Variants in DAB1 observed in about 807,000 individuals in gnomAD.
The protein encoded by DAB1 is DAB adaptor protein 1.
DAB1 carries 15 observed loss-of-function variants against 64.6 expected under a neutral mutation model. The observed-to-expected ratio is 0.23, with a 90% CI of 0.16 to 0.36. The LOEUF (loss-of-function observed/expected upper bound fraction) is 0.36. Among genes scored for constraint, DAB1 ranks in the 10% least tolerant of loss-of-function variants. DAB1 has a pLI of 1.00. For missense variants in DAB1, 596 were observed against 706.7 expected (o/e 0.84, Z 1.78); for synonymous variants, 235 against 251.9 (o/e 0.93, Z 0.64).
intron 7 of DAB1, among the ~76,000 whole-genome samples, chr1:57,626,839 C>G (rs1417361104): frequency 6.6e-6 from 1 of 152,054 alleles, no homozygotes; most frequent in Non-Finnish European, 1.5e-5. Context: ...GACCTAATCA[C>G]CCCACAAAGG....
intron 2 of DAB1, among the ~76,000 whole-genome samples, chr1:58,517,586 C>T (rs1240696237): frequency 2.0e-5 from 3 of 152,150 alleles, no homozygotes; most frequent in Non-Finnish European, 4.4e-5. Flanking sequence ...ATGAATGTTT[C>T]CTGTATCTCC....
chr1:58,068,614 A>T lies in DAB1; in HGVS notation n.387+81897T>A, dbSNP rs1649014061. On this transcript the variant is annotated intron_variant and non_coding_transcript_variant, in intron 5 of 20. Transcript: ENST00000485760. ...CCCCATCTCTACTAATAATACAAAAAAATTAGCTGGGTGTGGTGGTGGGGG... is the reference window on the plus strand; with the variant it reads ...CCCCATCTCTACTAATAATACAAAATAATTAGCTGGGTGTGGTGGTGGGGG... 3.3e-5 allele frequency among the ~76,000 whole-genome samples: 5 copies of T among 152,028 alleles called. No homozygotes were observed. In the South Asian group the frequency reaches 1.0e-3, roughly 32 times the overall value.
rs373612870 is a variant in DAB1, at chr1:57,989,216, G to A, written n.388-105054C>T. Reference sequence around the variant, plus strand: ...GAGGGTTATATGAGTAAAGTGCTGAGAAAGGAGCCTGATAGGTAATTACCT... The same window carrying A: ...GAGGGTTATATGAGTAAAGTGCTGAAAAAGGAGCCTGATAGGTAATTACCT... On this transcript the variant is annotated intron_variant and non_coding_transcript_variant, in intron 5 of 20. Transcript: ENST00000485760. Among the ~76,000 whole-genome samples, 48 of 152,238 alleles carry A rather than the reference G, an allele frequency of 3.2e-4. No homozygotes were observed. In the East Asian group the frequency reaches 4.8e-3, roughly 15 times the overall value.
chr1:58,474,091 A>G, intron 3 of DAB1: 1 of 453,980 alleles, frequency 2.2e-6, no homozygotes, highest in Non-Finnish European at 4.3e-6. Flanking sequence ...ATAAAGCATC[A>G]AGCATTCCTG....
intron 4 of DAB1, among the ~76,000 whole-genome samples, chr1:58,277,037 CTTTTTTT>C: frequency 1.3e-5 from 1 of 79,694 alleles, no homozygotes; most frequent in South Asian, 4.4e-4. Flanking sequence ...CTTTTTTTTT[CTTTTTTT>C]TTTTTTTTTT....
intron 6 of DAB1, among the ~76,000 whole-genome samples, chr1:57,703,791 C>A (rs1256897776): frequency 6.6e-6 from 1 of 152,098 alleles, no homozygotes; most frequent in African/African-American, 2.4e-5. Context: ...AACCTAAATG[C>A]CCATCAATAA....
chr1:58,016,887 C>A (rs1395713281), intron 5 of DAB1, among the ~76,000 whole-genome samples: 1 of 152,116 alleles, frequency 6.6e-6, no homozygotes, highest in African/African-American at 2.4e-5. Context: ...CTATTAAAAC[C>A]ATTATTAAAA....
intron 1 of DAB1, among the ~76,000 whole-genome samples, chr1:57,334,228 C>T (rs1367881987): frequency 6.6e-6 from 1 of 152,230 alleles, no homozygotes; most frequent in Non-Finnish European, 1.5e-5. Context: ...CTAAAGTGGA[C>T]TCCAAGCTCA....
chr1:57,341,315 CAGCTGGGAAGA>C (rs1468269904), intron 1 of DAB1, among the ~76,000 whole-genome samples: 2 of 152,180 alleles, frequency 1.3e-5, no homozygotes, highest in Admixed American at 1.3e-4. Flanking sequence ...CTCTATCACA[CAGCTGGGAAGA>C]AGCTGGGAGA....
intron 4 of DAB1, among the ~76,000 whole-genome samples, chr1:58,314,527 T>C (rs1398180019): frequency 1.3e-5 from 2 of 152,188 alleles, no homozygotes; most frequent in East Asian, 1.9e-4. Flanking sequence ...GTACTTACGA[T>C]TGAGTCGTAT....
intron 3 of DAB1, among the ~76,000 whole-genome samples, chr1:57,143,587 G>A (rs1337562263): frequency 1.3e-5 from 2 of 152,014 alleles, no homozygotes; most frequent in Non-Finnish European, 2.9e-5. Flanking sequence ...ATAAAAAGAA[G>A]ACATATAAAT....
chr1:57,771,310 T>C (rs1239598982), intron 6 of DAB1, among the ~76,000 whole-genome samples: 1 of 152,088 alleles, frequency 6.6e-6, no homozygotes, highest in Non-Finnish European at 1.5e-5. Context: ...CAGAAAATGG[T>C]GTAATTTATC....
chr1:57,637,801 A>AT (rs2101637000), intron 7 of DAB1, among the ~76,000 whole-genome samples: 1 of 152,356 alleles, frequency 6.6e-6, no homozygotes, highest in Non-Finnish European at 1.5e-5. Context: ...AAAGGGTAGA[A>AT]TATCTCTGTG....
At chr1:58,191,646 A>G (rs1657393882) in intron 4 of DAB1, among the ~76,000 whole-genome samples, 1 of 152,182 alleles carries the variant, frequency 6.6e-6, no homozygotes, top group African/African-American at 2.4e-5. Context: ...ACTCCATTTA[A>G]AAGTTTCCCC....
intron 7 of DAB1, among the ~76,000 whole-genome samples, chr1:57,437,256 T>A (rs1455549417): frequency 6.6e-6 from 1 of 152,072 alleles, no homozygotes; most frequent in Non-Finnish European, 1.5e-5. Flanking sequence ...CAAATAATTC[T>A]CTTCCCTTCT....
rs11808300 is a variant in DAB1, at chr1:57,439,585, C to T, written n.626-148419G>A. ...CTGGGACTACAGGCGCCCGCCACCG[C>T]GCCCGGCTAATTTTTTGTATTTTTA... On this transcript the variant is annotated intron_variant and non_coding_transcript_variant, in intron 7 of 20. Transcript: ENST00000485760. Among the ~76,000 whole-genome samples, 5 of 146,236 alleles carry T rather than the reference C, an allele frequency of 3.4e-5. No homozygotes were observed. The South Asian group carries it at 6.8e-4, about 20-fold the overall frequency.
chr1:57,406,674 C>T (rs908820708), intron 1 of DAB1, among the ~76,000 whole-genome samples: 9 of 152,194 alleles, frequency 5.9e-5, no homozygotes, highest in Non-Finnish European at 1.2e-4. Flanking sequence ...TCTCAGAGAC[C>T]CAGTGCCCAC....
intron 6 of DAB1, among the ~76,000 whole-genome samples, chr1:57,741,445 A>G (rs1293720937): frequency 6.6e-6 from 1 of 152,198 alleles, no homozygotes; most frequent in Non-Finnish European, 1.5e-5. Context: ...AAAAGCAACC[A>G]TTAGCTTAAA....
At chr1:57,766,457 T>A (rs1649315884) in intron 6 of DAB1, among the ~76,000 whole-genome samples, 1 of 152,122 alleles carries the variant, frequency 6.6e-6, no homozygotes, top group African/African-American at 2.4e-5. Flanking sequence ...CCAGACTCAC[T>A]GGTCCCCCTC....
Sources: allele counts gnomAD v4.1 joint callset (sites outside exome capture counted in the v4.1 genomes callset), GRCh38; gene constraint gnomAD v4.1.1; transcripts MANE v1.5; gene names NCBI Gene and HGNC (gene_info 2026-07-23, HGNC 2026-07-21).